Variants in CPLANE1 observed in about 807,000 individuals in gnomAD.
CPLANE1 encodes ciliogenesis and planar polarity effector 1.
CPLANE1 carries 263 observed loss-of-function variants against 362.5 expected under a neutral mutation model. That is an observed-to-expected ratio of 0.73 (90% confidence interval 0.66 to 0.80). The LOEUF (loss-of-function observed/expected upper bound fraction) is 0.80, where lower values mean the gene tolerates loss of function less well. Ranked by LOEUF, CPLANE1 falls within the 30% of genes least tolerant of loss-of-function variation. The pLI is 0.00. For synonymous variants in CPLANE1, 1,212 were observed against 1,302.6 expected (o/e 0.93, Z 1.50); for missense variants, 3,461 against 3,793.4 (o/e 0.91, Z 2.30).
chr5:37,125,197 A>G (rs113487016), intron 47 of CPLANE1, 47 bp downstream of exon 47: 5 of 1,539,616 alleles, frequency 3.2e-6, no homozygotes, highest in African/African-American at 1.4e-5. Flanking sequence ...CAGGAAAGTA[A>G]TTACACATAT....
intron 18 of CPLANE1, chr5:37,205,071 T>G (rs1790330292): frequency 4.5e-6 from 1 of 220,544 alleles, no homozygotes; most frequent in Non-Finnish European, 8.7e-6. Flanking sequence ...GCAGGAGAAT[T>G]GCTTGAACCC....
At chr5:37,122,813 G>A (rs770373216) in intron 47 of CPLANE1, among the ~76,000 whole-genome samples, 6 of 152,028 alleles carry the variant, frequency 3.9e-5, no homozygotes, top group Admixed American at 6.6e-5. Context: ...CCTGGGAGGC[G>A]GAGGCTGCAG....
At chr5:37,195,712 C>T in intron 21 of CPLANE1, 146 bp downstream of exon 21, 1 of 639,574 alleles carries the variant, frequency 1.6e-6, no homozygotes, top group Non-Finnish European at 2.5e-6. Context: ...TATATATATA[C>T]ATAGCTGTTA....
In CPLANE1 at chr5:37,231,042, A is replaced by G; in HGVS notation, c.946T>C (p.Trp316Arg). ...TGCGTCCAGCTGATATCACCTACCCAGTAGGACCTATAATAAATAAGAGAC... is the reference window on the plus strand; with the variant it reads ...TGCGTCCAGCTGATATCACCTACCCGGTAGGACCTATAATAAATAAGAGAC... ...VVPATLIRSY[W>R]VGDISWTHDS... The change falls in exon 9 of 53, where the codon TGG becomes CGG. Residue 316 changes from tryptophan (W) to arginine (R), a missense_variant. Around this residue, in one of 2 missense-constraint regions of CPLANE1, gnomAD observed 3,380 missense variants for 3,666.1 expected, o/e 0.92. Transcript: ENST00000651892. The G allele has an allele frequency of 6.6e-7, 1 of 1,525,700 alleles. No individual in the cohort carries two copies. The highest frequency in any genetic ancestry group is 8.8e-7 in the Non-Finnish European group (1 of 1,136,460). The allele number at this position is 1,525,700 out of a possible 1,614,324, so 94.5% of individuals were successfully genotyped here.
downstream of CPLANE1, among the ~76,000 whole-genome samples, chr5:37,104,949 CAAAAACA>C (rs1037155391): frequency 5.1e-4 from 78 of 152,052 alleles, no homozygotes; most frequent in African/African-American, 1.9e-3. Flanking sequence ...TACACAGTTA[CAAAAACA>C]AAAACAGCAC....
At position 37,221,307 on chromosome 5, in the gene CPLANE1, G is replaced by GAA; in HGVS notation, c.2746+15_2746+16dup. ...GTCTCTTTTTAAAAATACAAAGAAAGAAAAAAAAAAGCATACCTGAAAAAT... is the reference window on the plus strand; with the variant it reads ...GTCTCTTTTTAAAAATACAAAGAAAGAAAAAAAAAAAAGCATACCTGAAAAAT... On this transcript the variant is annotated intron_variant, in intron 15 of 52. Transcript: ENST00000651892. The GAA allele has an allele frequency of 1.3e-5, 17 of 1,322,912 alleles. No homozygotes were observed. The highest frequency in any genetic ancestry group is 2.0e-4 in the Middle Eastern group (1 of 5,096). The allele number at this position is 1,322,912 out of a possible 1,614,324, so 81.9% of individuals were successfully genotyped here. A position where few individuals can be genotyped will look rare whatever the true frequency, so the allele number is the denominator to read the frequency against.
chr5:37,164,262 C>T lies in CPLANE1; in HGVS notation c.7588+11G>A. ...AAACTTAGACATTACATTAATCATA[C>T]ACATACATACCAAAAGGAACGTCGA... On this transcript the variant is annotated intron_variant, in intron 37 of 52. Coordinates refer to ENST00000651892, the MANE Select transcript of CPLANE1 (RefSeq NM_001384732.1). 6.3e-7 allele frequency: 1 copy of T among 1,598,332 alleles called. No individual in the cohort carries two copies. Among genetic ancestry groups the T allele is most frequent in the Non-Finnish European group, 8.6e-7 (1 of 1,166,044 alleles).
intron 9 of CPLANE1, among the ~76,000 whole-genome samples, chr5:37,228,298 C>T (rs1376192688): frequency 1.3e-5 from 2 of 152,104 alleles, no homozygotes; most frequent in Admixed American, 1.3e-4. Flanking sequence ...TTAACTTAAA[C>T]ATACAATATT....
Position 37,196,337 on chromosome 5 carries a change from T to C in CPLANE1, c.3673-341A>G, listed in dbSNP as rs565968154. On this transcript the variant is annotated intron_variant, in intron 20 of 52. Coordinates refer to ENST00000651892, the MANE Select transcript of CPLANE1 (RefSeq NM_001384732.1). ...CTTAATCTTATCCCAAATAAAGCTG[T>C]GTACAGTAACTAAAACAAATACAAA... 8.0e-4 allele frequency among the ~76,000 whole-genome samples: 122 copies of C among 152,292 alleles called. 1 individual carries two copies. Among genetic ancestry groups the C allele is most frequent in the South Asian group, 8.3e-4 (4 of 4,826 alleles).
In CPLANE1 at chr5:37,120,227, G is replaced by C. The variant is rs1197722149; in HGVS notation, c.9299C>G (p.Pro3100Arg). The change falls in exon 50 of 53, where the codon CCT becomes CGT. Residue 3100 changes from proline to arginine, a missense_variant. This residue lies in a region of CPLANE1 where 3,380 missense variants were observed against 3,666.1 expected (regional missense o/e 0.92). Transcript: ENST00000651892. ...RKSFGQPQGS[P>R]WPHGTATFTI... ...GCTTTAAGTCTTACCATGTGGCCAA[G>C]GTGAGCCTTGAGGTTGCCCAAAAGA... The C allele has an allele frequency of 6.2e-7, 1 of 1,602,240 alleles. No individual in the cohort carries two copies. The highest frequency in any genetic ancestry group is 8.5e-7 in the Non-Finnish European group (1 of 1,177,098).
intron 27 of CPLANE1, 56 bp from the exon 28 acceptor site, chr5:37,180,239 T>G: frequency 8.2e-7 from 1 of 1,218,774 alleles, no homozygotes; most frequent in African/African-American, 1.6e-5. Context: ...AAGAGCTAAT[T>G]CAGTTTTGGG....
chr5:37,134,985 G>A (rs1157977851), intron 46 of CPLANE1, among the ~76,000 whole-genome samples: 1 of 151,446 alleles, frequency 6.6e-6, no homozygotes, highest in African/African-American at 2.4e-5. Context: ...TAGAGATGGG[G>A]TTTCTCCATG....
chr5:37,091,833 T>C, the CPLANE1 span, among the ~76,000 whole-genome samples: 1 of 152,186 alleles, frequency 6.6e-6, no homozygotes, highest in South Asian at 2.1e-4. Flanking sequence ...TCCAACCTGG[T>C]ACCGGAGATG....
chr5:37,208,945 A>G (rs1460909957), intron 16 of CPLANE1, among the ~76,000 whole-genome samples: 4 of 138,144 alleles, frequency 2.9e-5, no homozygotes, highest in Non-Finnish European at 4.5e-5. Context: ...ATGAAAAAAA[A>G]AAAGAAAAGA....
At chr5:37,135,112 G>C (rs1178333789) in intron 46 of CPLANE1, among the ~76,000 whole-genome samples, 1 of 152,050 alleles carries the variant, frequency 6.6e-6, no homozygotes, top group Non-Finnish European at 1.5e-5. Context: ...TCCTCACAAT[G>C]GTGCTTTTGC....
Position 37,183,212 on chromosome 5 carries a change from T to C in CPLANE1, c.4969A>G (p.Ile1657Val), listed in dbSNP as rs2151151727. The C allele has an allele frequency of 6.2e-7, 1 of 1,611,658 alleles. No individual in the cohort carries two copies. Among genetic ancestry groups the C allele is most frequent in the East Asian group, 2.2e-5 (1 of 44,822 alleles). Residue 1657 changes from isoleucine to valine, a missense_variant, in exon 26 of 53, where the codon ATC (isoleucine) becomes GTC (valine). Physicochemically the swap from Ile to Val is conservative, Grantham distance 29 (BLOSUM62 3). Around this residue, in one of 2 missense-constraint regions of CPLANE1, gnomAD observed 3,380 missense variants for 3,666.1 expected, o/e 0.92. Coordinates refer to ENST00000651892, the MANE Select transcript of CPLANE1 (RefSeq NM_001384732.1). Reference sequence around the variant, plus strand: ...GAAGGATATTGTAAAAAAGGTTTGATCCCTTGATTAACCAGTACTGATGAT... The same window carrying C: ...GAAGGATATTGTAAAAAAGGTTTGACCCCTTGATTAACCAGTACTGATGAT... ...LSSSVLVNQG[I>V]KPFLQYPSNE...
intron 38 of CPLANE1, among the ~76,000 whole-genome samples, chr5:37,160,566 CAA>C (rs777302133): frequency 5.1e-5 from 5 of 98,128 alleles, no homozygotes; most frequent in Non-Finnish European, 8.3e-5. Flanking sequence ...GACTCCATCT[CAA>C]AAAAAAAAAA....
chr5:37,186,255 T>C, intron 24 of CPLANE1, 31 bp downstream of exon 24: 1 of 1,027,256 alleles, frequency 9.7e-7, no homozygotes, highest in Non-Finnish European at 1.5e-6. Flanking sequence ...GCAATTTATC[T>C]GTTAGCTATC....
In CPLANE1 at chr5:37,232,634, C is replaced by A. The variant is rs113147370; in HGVS notation, c.939-1585G>T. 2.8e-3 allele frequency among the ~76,000 whole-genome samples: 419 copies of A among 150,086 alleles called. 1 individual carries two copies. Among genetic ancestry groups the A allele is most frequent in the Non-Finnish European group, 5.1e-3 (342 of 67,660 alleles). On this transcript the variant is annotated intron_variant, in intron 8 of 52. Coordinates refer to ENST00000651892, the MANE Select transcript of CPLANE1 (RefSeq NM_001384732.1). The stretch of plus-strand genomic sequence containing the variant: ...GGAGAATTGCATAAGGTCAGGAGTT[C>A]AAGACCAGCCAGGGCAACATAGCAA...
Sources: allele counts gnomAD v4.1 joint callset (sites outside exome capture counted in the v4.1 genomes callset), GRCh38; gene constraint gnomAD v4.1.1; regional missense constraint gnomAD v4.1.1; transcripts MANE v1.5; gene names NCBI Gene and HGNC (gene_info 2026-07-23, HGNC 2026-07-21).